Variants in BRI3 observed in about 807,000 individuals in gnomAD.
BRI3 encodes membrane protein BRI3.
BRI3 carries 6 observed loss-of-function variants against 12.8 expected under a neutral mutation model. The observed-to-expected ratio is 0.47, with a 90% confidence interval of 0.26 to 0.93. The LOEUF is 0.93. Among genes scored for constraint, BRI3 ranks in the 40% least tolerant of loss-of-function variants. The pLI is 0.15. For missense variants in BRI3, 134 were observed against 171.1 expected, an observed-to-expected ratio of 0.78 and a Z score of 1.21; for synonymous variants, 91 against 76.1, an observed-to-expected ratio of 1.20 and a Z score of -1.02.
chr7:98,287,901 C>T (rs1306504097), intron 2 of BRI3, among the ~76,000 whole-genome samples: 1 of 152,220 alleles, frequency 6.6e-6, no homozygotes, highest in Non-Finnish European at 1.5e-5. Context: ...GCCCAGCCTC[C>T]TCCCAGGCAT....
intron 2 of BRI3, among the ~76,000 whole-genome samples, chr7:98,290,190 T>TG (rs1562958805): frequency 2.1e-5 from 3 of 140,486 alleles, no homozygotes; most frequent in African/African-American, 8.1e-5. Flanking sequence ...TGTTTTTTTT[T>TG]TTTTTTTTTT....
At chr7:98,316,400 G>C in the BRI3 span, among the ~76,000 whole-genome samples, 6 of 152,254 alleles carry the variant, frequency 3.9e-5, no homozygotes, top group African/African-American at 1.4e-4. Flanking sequence ...CACTGATCAT[G>C]GAGAGTCCCT....
chr7:98,303,923 A>T (rs1259631464), upstream of BRI3, among the ~76,000 whole-genome samples: 1 of 152,234 alleles, frequency 6.6e-6, no homozygotes, highest in Non-Finnish European at 1.5e-5. Flanking sequence ...AACCTAATAA[A>T]ATCTAGCAAA....
At chr7:98,314,598 G>T (rs1801002224), downstream of BRI3, among the ~76,000 whole-genome samples, 1 of 152,214 alleles carries the variant, frequency 6.6e-6, no homozygotes, top group Non-Finnish European at 1.5e-5. Flanking sequence ...GTTGGAAGGA[G>T]GGTGATGAGG....
chr7:98,310,567 G>GA, downstream of BRI3: 1 of 1,591,360 alleles, frequency 6.3e-7, no homozygotes, highest in Non-Finnish European at 8.5e-7. Flanking sequence ...TGAGCATTTA[G>GA]AAAGGGTGTC....
intron 2 of BRI3, among the ~76,000 whole-genome samples, chr7:98,287,076 G>A (rs1300863740): frequency 2.0e-5 from 3 of 152,218 alleles, no homozygotes; most frequent in South Asian, 2.1e-4. Flanking sequence ...CCAAGTGCTC[G>A]TTCTCCCGGG....
At chr7:98,304,463 C>CA (rs1372796390), upstream of BRI3, 1 of 1,328,674 alleles carries the variant, frequency 7.5e-7, no homozygotes, top group East Asian at 2.4e-5. Context: ...CCAAGGACAA[C>CA]AGTAATAGTA....
the BRI3 span, chr7:98,319,927 G>C: frequency 1.3e-6 from 1 of 750,410 alleles, no homozygotes; most frequent in East Asian, 2.5e-5. Flanking sequence ...TCGGTTTCAT[G>C]CATCTGGGCA....
intron 2 of BRI3, among the ~76,000 whole-genome samples, chr7:98,286,694 C>T (rs951366722): frequency 6.6e-6 from 1 of 152,224 alleles, no homozygotes; most frequent in Admixed American, 6.5e-5. Flanking sequence ...TTGTGTTTCT[C>T]AGTTCAGAAG....
At chr7:98,315,619 A>ATAAT in the BRI3 span, 29 of 782,104 alleles carry the variant, frequency 3.7e-5, no homozygotes, top group Non-Finnish European at 5.1e-5. Context: ...CATACTAAAA[A>ATAAT]AAAAAAAATA....
chr7:98,308,788 C>G (rs1401021098), exon 2 of BRI3: 5 of 155,654 alleles, frequency 3.2e-5, no homozygotes, highest in African/African-American at 1.2e-4. Context: ...AAGGATCCTC[C>G]CTCCTCAGCC....
chr7:98,291,290 A>T lies in BRI3; in HGVS notation c.*47A>T, dbSNP rs371709705. On this transcript the variant is annotated 3_prime_UTR_variant, in exon 3 of 3. Coordinates refer to ENST00000297290, the MANE Select transcript of BRI3 (RefSeq NM_015379.5). The stretch of plus-strand genomic sequence containing the variant: ...TCCTACACCCAGCTCTCTTTTTCTA[A>T]TGTAAATGTTGTGTACAATAATTTT... The T allele has an allele frequency of 6.2e-7, 1 of 1,609,844 alleles. No homozygotes were observed. Among genetic ancestry groups the T allele is most frequent in the African/African-American group, 1.3e-5 (1 of 74,660 alleles).
downstream of BRI3, among the ~76,000 whole-genome samples, chr7:98,311,906 C>T (rs1800886577): frequency 6.6e-6 from 1 of 151,994 alleles, no homozygotes; most frequent in Non-Finnish European, 1.5e-5. Context: ...AAAGACTCCA[C>T]CTTAACAACA....
At chr7:98,306,567 G>T (rs1800665836) in exon 1 of BRI3, 2 of 1,613,342 alleles carry the variant, frequency 1.2e-6, no homozygotes, top group Non-Finnish European at 1.7e-6. Context: ...CATGTGGACG[G>T]CAACCTCCCT....
chr7:98,320,460 C>A, the BRI3 span, among the ~76,000 whole-genome samples: 1 of 152,178 alleles, frequency 6.6e-6, no homozygotes, highest in Admixed American at 6.5e-5. Flanking sequence ...CTCAGCCTCC[C>A]AAATAGCTGG....
chr7:98,295,170 C>T (rs542265763), downstream of BRI3, among the ~76,000 whole-genome samples: 19 of 152,334 alleles, frequency 1.2e-4, no homozygotes, highest in East Asian at 2.3e-3. Flanking sequence ...GAGCGCAGGC[C>T]GTTCCTGGAC....
In BRI3 at chr7:98,281,909, G is replaced by C; in HGVS notation, c.114G>C (p.Pro38=). 7.8e-7 allele frequency: 1 copy of C among 1,287,118 alleles called. No homozygotes were observed. Among genetic ancestry groups the C allele is most frequent in the Non-Finnish European group, 9.8e-7 (1 of 1,016,794 alleles). The allele number at this position is 1,287,118 out of a possible 1,614,324, so 79.7% of individuals were successfully genotyped here. A position where few individuals can be genotyped will look rare whatever the true frequency, so the allele number is the denominator to read the frequency against. Residue 38 remains proline, a synonymous_variant, in exon 1 of 3, where the codon CCG becomes CCC. Coordinates refer to ENST00000297290, the MANE Select transcript of BRI3 (RefSeq NM_015379.5). ...ACGGCGCCATCCCCGCCGCGCCCCC[G>C]CCGCCGCCCTACCCCTACCTCGTCA... The part of the protein sequence containing the change: ...HGYGAIPAAP[P]PPPYPYLVTG...
chr7:98,322,835 C>A, the BRI3 span: 1 of 152,448 alleles, frequency 6.6e-6, no homozygotes, highest in Non-Finnish European at 1.5e-5. Flanking sequence ...GCAGGCGTAA[C>A]ATGTCGCTCC....
chr7:98,312,650 C>T (rs2116879167), downstream of BRI3, among the ~76,000 whole-genome samples: 1 of 152,326 alleles, frequency 6.6e-6, no homozygotes, highest in Admixed American at 6.5e-5. Flanking sequence ...CTACTAAAAG[C>T]AGCACCTCCA....
Sources: allele counts gnomAD v4.1 joint callset (sites outside exome capture counted in the v4.1 genomes callset), GRCh38; gene constraint gnomAD v4.1.1; transcripts MANE v1.5; gene names NCBI Gene and HGNC (gene_info 2026-07-23, HGNC 2026-07-21).